NTMT2: variants seen among roughly 807,000 people sequenced by gnomAD.
NTMT2 encodes the protein X-Pro-Lys N-terminal protein methyltransferase 1B.
In NTMT2, 21 loss-of-function variants were observed where a neutral mutation model predicts 23.4. The observed-to-expected ratio is 0.90, with a 90% CI of 0.64 to 1.29. The LOEUF is 1.29. Ranked by LOEUF, NTMT2 falls within the 50% of genes most tolerant of loss-of-function variation. The pLI, the probability that NTMT2 is intolerant of heterozygous loss-of-function variation, is 0.00. For synonymous variants in NTMT2, 131 were observed against 127.7 expected (o/e 1.03, Z -0.17); for missense variants, 336 against 352.0 (o/e 0.95, Z 0.36).
intron 1 of NTMT2, among the ~76,000 whole-genome samples, chr1:170,154,677 T>C (rs556566838): frequency 6.6e-6 from 1 of 151,130 alleles, no homozygotes; most frequent in South Asian, 2.1e-4. Flanking sequence ...TTTTATGGGG[T>C]TGTAGGTGGA....
intron 2 of NTMT2, among the ~76,000 whole-genome samples, chr1:170,166,293 T>C (rs111283972): frequency 0.1 from 11,426 of 112,370 alleles, 458 homozygotes; most frequent in Middle Eastern, 0.14. Context: ...GCGCCCACCA[T>C]CACGCCCGGC....
At chr1:170,147,165 A>G (rs1376447675) in intron 1 of NTMT2, among the ~76,000 whole-genome samples, 1 of 152,214 alleles carries the variant, frequency 6.6e-6, no homozygotes, top group Non-Finnish European at 1.5e-5. Context: ...CAAGCAACCG[A>G]ATGTTAGCAG....
At chr1:170,163,771 A>G (rs929976100) in intron 2 of NTMT2, among the ~76,000 whole-genome samples, 34 of 152,244 alleles carry the variant, frequency 2.2e-4, no homozygotes, top group African/African-American at 8.0e-4. Flanking sequence ...CTAAACTGAA[A>G]TTCCTAATAG....
At chr1:170,155,510 G>A (rs1235205410) in intron 1 of NTMT2, among the ~76,000 whole-genome samples, 2 of 151,662 alleles carry the variant, frequency 1.3e-5, no homozygotes, top group Non-Finnish European at 2.9e-5. Context: ...TTTCATAGGG[G>A]CATCTCCTAA....
Position 170,168,499 on chromosome 1 carries a change from C to T in NTMT2, c.*742C>T, listed in dbSNP as rs1441672559. Among the ~76,000 whole-genome samples, 1 of 152,180 alleles carries T rather than the reference C, an allele frequency of 6.6e-6. No homozygotes were observed. The highest frequency in any genetic ancestry group is 2.4e-5 in the African/African-American group (1 of 41,444). On this transcript the variant is annotated 3_prime_UTR_variant, in exon 4 of 4. Transcript: ENST00000439373. ...GTCCATTATTTAATTTTCTCTTTAG[C>T]CTTTCTCTTGGCAGAAAAGGTATTT...
At chr1:170,158,013 C>G (rs1473299108) in intron 1 of NTMT2, 1 of 152,034 alleles carries the variant, frequency 6.6e-6, no homozygotes, top group African/African-American at 2.4e-5. Flanking sequence ...TCATTGGATT[C>G]CTGGTTAATT....
intron 1 of NTMT2, among the ~76,000 whole-genome samples, chr1:170,158,689 T>A (rs1180442459): frequency 7.9e-5 from 12 of 152,066 alleles, no homozygotes; most frequent in Admixed American, 7.9e-4. Context: ...ATTAGCTTGA[T>A]CTTGGGCCTT....
In NTMT2 at chr1:170,166,836, AAG is replaced by A. The variant is rs967093355; in HGVS notation, c.580+88_580+89del. The stretch of plus-strand genomic sequence containing the variant: ...CTTGGGGCTAATGAGGGCACCAGGG[AAG>A]AGTTAGCTGTAGTACTTCAAGCAGT... On this transcript the variant is annotated intron_variant, in intron 3 of 3. Coordinates refer to ENST00000439373, the MANE Select transcript of NTMT2 (RefSeq NM_001136107.2). 3.5e-6 allele frequency: 5 copies of A among 1,437,860 alleles called. No individual in the cohort carries two copies. In the African/African-American group the frequency reaches 7.1e-5, roughly 20 times the overall value. 89.1% of individuals were successfully genotyped at this position (1,437,860 alleles called of 1,614,324 possible).
chr1:170,166,423 G>A (rs1673387351), intron 2 of NTMT2, 79 bp from the exon 3 acceptor site: 9 of 1,490,834 alleles, frequency 6.0e-6, no homozygotes, highest in Non-Finnish European at 8.2e-6. Context: ...TTACAAGCGT[G>A]AGCCACCGCG....
At chr1:170,152,172 C>A (rs1185148446) in intron 1 of NTMT2, among the ~76,000 whole-genome samples, 1 of 152,094 alleles carries the variant, frequency 6.6e-6, no homozygotes, top group Non-Finnish European at 1.5e-5. Context: ...AAAATATAGC[C>A]TTATCCTGAA....
In NTMT2 at chr1:170,168,309, A is replaced by G. The variant is rs1392706780; in HGVS notation, c.*552A>G. ...ACTGTCTTGTTCCCTGATAATTAGTATTATAGAGTATTCTGGTGGGGGTGG... is the reference window on the plus strand; with the variant it reads ...ACTGTCTTGTTCCCTGATAATTAGTGTTATAGAGTATTCTGGTGGGGGTGG... On this transcript the variant is annotated 3_prime_UTR_variant, in exon 4 of 4. Coordinates refer to ENST00000439373, the MANE Select transcript of NTMT2 (RefSeq NM_001136107.2). Among the ~76,000 whole-genome samples, 1 of 150,290 alleles carries G rather than the reference A, an allele frequency of 6.7e-6. No individual in the cohort carries two copies. The highest frequency in any genetic ancestry group is 1.5e-5 in the Non-Finnish European group (1 of 67,688).
intron 1 of NTMT2, among the ~76,000 whole-genome samples, chr1:170,158,772 A>T (rs889521965): frequency 3.3e-5 from 5 of 151,858 alleles, no homozygotes; most frequent in African/African-American, 1.2e-4. Flanking sequence ...ATGTCCTGGA[A>T]ATTTACTCAA....
In NTMT2 at chr1:170,146,664, TGATA is replaced by T. The variant is rs375542611; in HGVS notation, c.154+407_154+410del. Among the ~76,000 whole-genome samples, 1,103 of 152,310 alleles carry T rather than the reference TGATA, an allele frequency of 7.2e-3. 11 individuals are homozygous for T. The highest frequency in any genetic ancestry group is 0.026 in the African/African-American group (1,061 of 41,568). On this transcript the variant is annotated intron_variant, in intron 1 of 3. Coordinates refer to ENST00000439373, the MANE Select transcript of NTMT2 (RefSeq NM_001136107.2). The stretch of plus-strand genomic sequence containing the variant: ...AGAGTTAAAAAGAAAGACTAAATAA[TGATA>T]GATCAAAATGTGCTTGGGTTATGTA...
At chr1:170,149,451 G>T (rs12095550) in intron 1 of NTMT2, among the ~76,000 whole-genome samples, 2,958 of 152,240 alleles carry the variant, frequency 0.019, 111 homozygotes, top group African/African-American at 0.068. Context: ...GAATGCAATT[G>T]CGTGTATTAG....
intron 1 of NTMT2, among the ~76,000 whole-genome samples, chr1:170,159,549 C>A (rs1221728347): frequency 6.6e-6 from 1 of 150,552 alleles, no homozygotes; most frequent in Admixed American, 6.7e-5. Context: ...AGCTTTGTTC[C>A]GTCTGCTTTT....
intron 2 of NTMT2, among the ~76,000 whole-genome samples, 195 bp downstream of exon 2, chr1:170,160,888 A>C (rs534366747): frequency 2.0e-5 from 3 of 152,242 alleles, no homozygotes; most frequent in East Asian, 3.9e-4. Context: ...ACACTGTCTT[A>C]CCCTCCCACT....
At chr1:170,147,515 G>A (rs904062699) in intron 1 of NTMT2, among the ~76,000 whole-genome samples, 1 of 151,778 alleles carries the variant, frequency 6.6e-6, no homozygotes, top group Non-Finnish European at 1.5e-5. Flanking sequence ...CTTTTAGGAC[G>A]TATAATACAT....
intron 3 of NTMT2, 50 bp from the exon 4 acceptor site, chr1:170,167,436 C>T (rs1457070832): frequency 7.5e-6 from 11 of 1,472,678 alleles, no homozygotes; most frequent in Non-Finnish European, 7.3e-6. Flanking sequence ...CACCTTCCAT[C>T]CTCCCCACCA....
rs115635383 is a variant in NTMT2, at chr1:170,167,802, G to A, written c.*45G>A. ...GACTGGACTGGGCAGTGGTGCTTTG[G>A]GATGGGGTTGCTATCCTTCCAGGTG... On this transcript the variant is annotated 3_prime_UTR_variant, in exon 4 of 4. Coordinates refer to ENST00000439373, the MANE Select transcript of NTMT2 (RefSeq NM_001136107.2). The A allele has an allele frequency of 2.6e-3, 3,988 of 1,508,400 alleles. 89 individuals are homozygous for A. The African/African-American group carries it at 0.05, about 19-fold the overall frequency. The allele number at this position is 1,508,400 out of a possible 1,614,324, so 93.4% of individuals were successfully genotyped here.
Sources: gnomAD v4.1 joint callset for allele counts (sites outside exome capture counted in the v4.1 genomes callset) on GRCh38, gnomAD v4.1.1 for gene constraint, MANE v1.5 for transcripts, NCBI Gene and HGNC (gene_info 2026-07-23, HGNC 2026-07-21) for gene names.